Variants in POM121L12 observed in about 807,000 individuals in gnomAD.
The protein encoded by POM121L12 is POM121-like protein 12.
For missense variants in POM121L12, 553 were observed against 409.2 expected, an observed-to-expected ratio of 1.35 and a Z score of -3.03; for synonymous variants, 251 against 179.2, an observed-to-expected ratio of 1.40 and a Z score of -3.20.
rs1303993800 is a variant in POM121L12, at chr7:53,036,304, G to T, written c.633G>T (p.Gln211His). The change falls in exon 1 of 1, where the codon CAG (glutamine) becomes CAT (histidine). Residue 211 changes from glutamine to histidine, a missense_variant. Transcript: ENST00000408890. Reference sequence around the variant, plus strand: ...GCAAGGGTGGCAGGCGGAACCTGCAGCCCCGGCCCTCTGCCTTCAAGCCCC... The same window carrying T: ...GCAAGGGTGGCAGGCGGAACCTGCATCCCCGGCCCTCTGCCTTCAAGCCCC... ...SDSKGGRRNLQPRPSAFKPLS... is the reference protein window; with the variant it reads ...SDSKGGRRNLHPRPSAFKPLS... 6 of 1,614,102 alleles carry T rather than the reference G, an allele frequency of 3.7e-6. No individual in the cohort carries two copies. Among genetic ancestry groups the T allele is most frequent in the Non-Finnish European group, 4.2e-6 (5 of 1,180,018 alleles).
chr7:53,035,756 C>G lies in POM121L12; in HGVS notation c.85C>G (p.Leu29Val), dbSNP rs199875299. 66 of 1,613,586 alleles carry G rather than the reference C, an allele frequency of 4.1e-5. No individual in the cohort carries two copies. The highest frequency in any genetic ancestry group is 5.1e-5 in the Non-Finnish European group (60 of 1,179,898). ...ACCCCTGCTGCAAGGCCCCGACGCC[C>G]TGGCGGCTCCCATGAGCAGGTCACC... ...GEPLLQGPDA[L>V]AAPMSRSPST... is the part of the protein sequence containing the mutation. Residue 29 changes from leucine to valine, a missense_variant, in exon 1 of 1, where the codon CTG becomes GTG. Transcript: ENST00000408890.
chr7:53,036,467 G>T lies in POM121L12; in HGVS notation c.796G>T (p.Asp266Tyr). The change falls in exon 1 of 1, where the codon GAC becomes TAC. Residue 266 changes from aspartate to tyrosine, a missense_variant. By Grantham distance (160) the Asp-to-Tyr change is radical. Coordinates refer to ENST00000408890, the MANE Select transcript of POM121L12 (RefSeq NM_182595.4). ...LVQPAPSAIWDFWEATTPSCG... is the reference protein window; with the variant it reads ...LVQPAPSAIWYFWEATTPSCG... ...CCAGCCCGCCCCATCCGCCATCTGG[G>T]ACTTCTGGGAGGCGACAACGCCTTC... The T allele has an allele frequency of 6.2e-7, 1 of 1,613,892 alleles. No homozygotes were observed. Among genetic ancestry groups the T allele is most frequent in the Non-Finnish European group, 8.5e-7 (1 of 1,180,032 alleles).
rs561163138 is a variant in POM121L12, at chr7:53,036,168, C to T, written c.497C>T (p.Ala166Val). The T allele has an allele frequency of 6.8e-6, 11 of 1,609,818 alleles. 1 individual carries two copies. In the South Asian group the frequency reaches 1.2e-4, roughly 18 times the overall value. ...GCCCGCCCCGCAGGCCGCCCCGCCG[C>T]CCAGGAGCTCCTGGACCCCTGCACC... ...QRARPAGRPA[A>V]QELLDPCTRE... Residue 166 changes from alanine (A) to valine (V), a missense_variant, in exon 1 of 1, where the codon GCC (alanine) becomes GTC (valine). By Grantham distance (64) the Ala-to-Val change is moderately conservative. Transcript: ENST00000408890.
rs540335970 is a variant in POM121L12, at chr7:53,036,805, C to T, written c.*243C>T. 2.0e-4 allele frequency: 97 copies of T among 490,258 alleles called. No individual in the cohort carries two copies. Among genetic ancestry groups the T allele is most frequent in the African/African-American group, 1.8e-3 (93 of 51,808 alleles). 30.4% of individuals were successfully genotyped at this position (490,258 alleles called of 1,614,324 possible). ...TCTCCTCCCTGCCCTTCTTCCTGCC[C>T]TTCCTCTGAAAAGAGGCATTTCGGG... On this transcript the variant is annotated 3_prime_UTR_variant, in exon 1 of 1. Transcript: ENST00000408890.
chr7:53,036,464 TG>T, the POM121L12 span: 13 of 1,613,778 alleles, frequency 8.1e-6, no homozygotes, highest in South Asian at 1.4e-4. Context: ...ATCCGCCATC[TG>T]GGACTTCTGG....
In POM121L12 at chr7:53,036,556, C is replaced by T. The variant is rs781712233; in HGVS notation, c.885C>T (p.Gly295=). 2 of 1,603,392 alleles carry T rather than the reference C, an allele frequency of 1.2e-6. No individual in the cohort carries two copies. Among genetic ancestry groups the T allele is most frequent in the Non-Finnish European group, 1.7e-6 (2 of 1,174,996 alleles). ...TCACCCAGTCTGCTGGCCCCTTTGG[C>T]TCCTAAGAATCTGGGCTCTGCTACC... ...LEVTQSAGPF[G]S is the part of the protein sequence containing the mutation. The change falls in exon 1 of 1, where the codon GGC becomes GGT. Residue 295 remains glycine (G), a synonymous_variant. Transcript: ENST00000408890.
At position 53,036,154 on chromosome 7, in the gene POM121L12, A is replaced by AGGCCGCCCCGCC. The variant is rs1322610158; in HGVS notation, c.485_496dup (p.Gly162_Ala165dup). The AGGCCGCCCCGCC allele has an allele frequency of 6.2e-7, 1 of 1,609,164 alleles. No individual in the cohort carries two copies. Among genetic ancestry groups the AGGCCGCCCCGCC allele is most frequent in the Non-Finnish European group, 8.5e-7 (1 of 1,178,868 alleles). ...CCCCTGGACAGAGAGCCCGCCCCGC[A>AGGCCGCCCCGCC]GGCCGCCCCGCCGCCCAGGAGCTCC... is the stretch of plus-strand genomic sequence containing the variant. On this transcript the variant is annotated inframe_insertion, in exon 1 of 1. Coordinates refer to ENST00000408890, the MANE Select transcript of POM121L12 (RefSeq NM_182595.4).
chr7:53,036,353 T>TG, the POM121L12 span: 196 of 1,613,648 alleles, frequency 1.2e-4, no homozygotes, highest in Non-Finnish European at 1.6e-4. Flanking sequence ...AGCGGTTGCT[T>TG]CCTTCGTGCC....
In POM121L12 at chr7:53,036,255, C is replaced by T. The variant is rs755281512; in HGVS notation, c.584C>T (p.Pro195Leu). The change falls in exon 1 of 1, where the codon CCG (proline) becomes CTG (leucine). Residue 195 changes from proline to leucine, a missense_variant. Physicochemically the swap from Pro to Leu is moderately conservative, Grantham distance 98. Coordinates refer to ENST00000408890, the MANE Select transcript of POM121L12 (RefSeq NM_182595.4). ...CPKGSARFDGPLWFEVSDSKG... is the reference protein window; with the variant it reads ...CPKGSARFDGLLWFEVSDSKG... ...AAGGGAAGCGCTAGGTTCGACGGGCCGTTGTGGTTCGAGGTCTCAGACAGC... is the reference window on the plus strand; with the variant it reads ...AAGGGAAGCGCTAGGTTCGACGGGCTGTTGTGGTTCGAGGTCTCAGACAGC... 1.9e-5 allele frequency: 31 copies of T among 1,613,916 alleles called. No individual in the cohort carries two copies. The highest frequency in any genetic ancestry group is 2.4e-5 in the Non-Finnish European group (28 of 1,180,008).
Position 53,035,705 on chromosome 7 carries a change from C to T in POM121L12, c.34C>T (p.Leu12Phe). ...TGCAGCTCCGGCCGAGTCCGCAGAC[C>T]TCGGGAACTTCTGGAAGGCGGGAGA... ...GAAAPAESAD[L>F]GNFWKAGEPL... Residue 12 changes from leucine to phenylalanine, a missense_variant, in exon 1 of 1, where the codon CTC (leucine) becomes TTC (phenylalanine). Transcript: ENST00000408890. The T allele has an allele frequency of 6.2e-7, 1 of 1,606,356 alleles. No homozygotes were observed. Among genetic ancestry groups the T allele is most frequent in the Non-Finnish European group, 8.5e-7 (1 of 1,176,892 alleles).
At position 53,035,920 on chromosome 7, in the gene POM121L12, C is replaced by A; in HGVS notation, c.249C>A (p.Thr83=). 1 of 1,612,650 alleles carries A rather than the reference C, an allele frequency of 6.2e-7. No individual in the cohort carries two copies. Among genetic ancestry groups the A allele is most frequent in the Non-Finnish European group, 8.5e-7 (1 of 1,179,632 alleles). Residue 83 remains threonine (T), a synonymous_variant, in exon 1 of 1, where the codon ACC becomes ACA. Transcript: ENST00000408890. ...CCCACCTCATCGAGGTGCGGCCCAC[C>A]CAGGACCCCGCCAAGCCGCAGCGGG... is the stretch of plus-strand genomic sequence containing the variant. ...PSTHLIEVRP[T]QDPAKPQRVV...
chr7:53,036,527 G>A lies in POM121L12; in HGVS notation c.856G>A (p.Glu286Lys), dbSNP rs778644787. ...GSCSRVSFAL[E>K]VTQSAGPFGS The stretch of plus-strand genomic sequence containing the variant: ...CTGCAGTAGGGTCTCCTTCGCCCTC[G>A]AGGTCACCCAGTCTGCTGGCCCCTT... Residue 286 changes from glutamate (E) to lysine (K), a missense_variant, in exon 1 of 1, where the codon GAG becomes AAG. Transcript: ENST00000408890. 1 of 1,613,196 alleles carries A rather than the reference G, an allele frequency of 6.2e-7. No homozygotes were observed. Among genetic ancestry groups the A allele is most frequent in the Non-Finnish European group, 8.5e-7 (1 of 1,179,634 alleles).
rs73357087 is a variant in POM121L12, at chr7:53,036,101, C to G, written c.430C>G (p.Pro144Ala). Residue 144 changes from proline (P) to alanine (A), a missense_variant, in exon 1 of 1, where the codon CCT (proline) becomes GCT (alanine). Transcript: ENST00000408890. ...WSPVTIGIAP[P>A]ERQESPWRSP... ...CCCGGTGACCATCGGGATCGCGCCC[C>G]CTGAGCGTCAGGAGAGCCCCTGGAG... 9.5e-5 allele frequency: 153 copies of G among 1,612,060 alleles called. No individual in the cohort carries two copies. In the African/African-American group the frequency reaches 1.9e-3, roughly 20 times the overall value.
chr7:53,035,901 T>G lies in POM121L12; in HGVS notation c.230T>G (p.Leu77Arg). 6.2e-7 allele frequency: 1 copy of G among 1,613,038 alleles called. No individual in the cohort carries two copies. Among genetic ancestry groups the G allele is most frequent in the Non-Finnish European group, 8.5e-7 (1 of 1,179,770 alleles). ...QWGRPVPSTH[L>R]IEVRPTQDPA... ...GGGCGCCCGGTGCCCAGCACCCACC[T>G]CATCGAGGTGCGGCCCACCCAGGAC... Residue 77 changes from leucine to arginine, a missense_variant, in exon 1 of 1, where the codon CTC (leucine) becomes CGC (arginine). Leu to Arg is a moderately radical substitution (Grantham distance 102). Transcript: ENST00000408890.
Position 53,035,979 on chromosome 7 carries a change from C to CCGG in POM121L12, c.309_311dup (p.Gly104dup). The CCGG allele has an allele frequency of 6.2e-7, 1 of 1,612,838 alleles. No homozygotes were observed. Among genetic ancestry groups the CCGG allele is most frequent in the Non-Finnish European group, 8.5e-7 (1 of 1,179,626 alleles). ...GAGGGCTGGAGGCGCCCTGCCCTTC[C>CCGG]CGGGGAGACCGCTCTGGGGCGAGAC... On this transcript the variant is annotated inframe_insertion, in exon 1 of 1. Coordinates refer to ENST00000408890, the MANE Select transcript of POM121L12 (RefSeq NM_182595.4).
Position 53,035,903 on chromosome 7 carries a change from A to G in POM121L12, c.232A>G (p.Ile78Val). ...GCGCCCGGTGCCCAGCACCCACCTC[A>G]TCGAGGTGCGGCCCACCCAGGACCC... ...WGRPVPSTHL[I>V]EVRPTQDPAK... The change falls in exon 1 of 1, where the codon ATC (isoleucine) becomes GTC (valine). Residue 78 changes from isoleucine (I) to valine (V), a missense_variant. By Grantham distance (29) the Ile-to-Val change is conservative. Transcript: ENST00000408890. 1 of 1,612,990 alleles carries G rather than the reference A, an allele frequency of 6.2e-7. No homozygotes were observed. Among genetic ancestry groups the G allele is most frequent in the African/African-American group, 1.3e-5 (1 of 74,998 alleles).
chr7:53,035,758 G>T lies in POM121L12; in HGVS notation c.87G>T (p.Leu29=). The change falls in exon 1 of 1, where the codon CTG becomes CTT. Residue 29 remains leucine (L), a synonymous_variant. Transcript: ENST00000408890. ...GEPLLQGPDA[L]AAPMSRSPST... The stretch of plus-strand genomic sequence containing the variant: ...CCCTGCTGCAAGGCCCCGACGCCCT[G>T]GCGGCTCCCATGAGCAGGTCACCCA... The T allele has an allele frequency of 6.2e-7, 1 of 1,613,700 alleles. No individual in the cohort carries two copies. The highest frequency in any genetic ancestry group is 8.5e-7 in the Non-Finnish European group (1 of 1,179,890).
chr7:53,035,717 T>A lies in POM121L12; in HGVS notation c.46T>A (p.Trp16Arg), dbSNP rs760754754. The change falls in exon 1 of 1, where the codon TGG becomes AGG. Residue 16 changes from tryptophan (W) to arginine (R), a missense_variant. By Grantham distance (101) the Trp-to-Arg change is moderately radical (BLOSUM62 -3). Transcript: ENST00000408890. The part of the protein sequence containing the change: ...PAESADLGNF[W>R]KAGEPLLQGP... ...CGAGTCCGCAGACCTCGGGAACTTC[T>A]GGAAGGCGGGAGAACCCCTGCTGCA... 32 of 1,610,610 alleles carry A rather than the reference T, an allele frequency of 2.0e-5. No homozygotes were observed. The highest frequency in any genetic ancestry group is 1.6e-4 in the Middle Eastern group (1 of 6,074).
chr7:53,035,692 C>G lies in POM121L12; in HGVS notation c.21C>G (p.Ala7=), dbSNP rs374100824. The change falls in exon 1 of 1, where the codon GCC becomes GCG. Residue 7 remains alanine (A), a synonymous_variant. Transcript: ENST00000408890. MGAAAP[A]ESADLGNFWK... Reference sequence around the variant, plus strand: ...CAGCCATGGGCGCTGCAGCTCCGGCCGAGTCCGCAGACCTCGGGAACTTCT... The same window carrying G: ...CAGCCATGGGCGCTGCAGCTCCGGCGGAGTCCGCAGACCTCGGGAACTTCT... 6.9e-6 allele frequency: 11 copies of G among 1,595,082 alleles called. No homozygotes were observed. The African/African-American group carries it at 1.2e-4, about 18-fold the overall frequency.
Sources: allele counts gnomAD v4.1 joint callset, GRCh38; gene constraint gnomAD v4.1.1; transcripts MANE v1.5; gene names NCBI Gene and HGNC (gene_info 2026-07-23, HGNC 2026-07-21).